TRIO: variants seen among roughly 807,000 people sequenced by gnomAD.
The protein encoded by TRIO is trio Rho guanine nucleotide exchange factor.
Under a neutral mutation model 351.9 loss-of-function variants are expected in TRIO, and 58 were observed. The ratio of observed to expected loss-of-function variants is 0.16; its 90% CI spans 0.13 to 0.21. TRIO has a LOEUF of 0.21. TRIO is among the 10% of genes least tolerant of loss of function. The pLI, the probability that TRIO is intolerant of heterozygous loss-of-function variation, is 1.00. For synonymous variants in TRIO, 1,758 were observed against 1,595.7 expected, an observed-to-expected ratio of 1.10 and a Z score of -2.42; for missense variants, 3,201 against 4,027.8, an observed-to-expected ratio of 0.79 and a Z score of 5.56.
At chr5:14,378,219 T>C in intron 20 of TRIO, 92 bp downstream of exon 20, 1 of 924,434 alleles carries the variant, frequency 1.1e-6, no homozygotes, top group Non-Finnish European at 1.7e-6. Flanking sequence ...TCCGCCATCT[T>C]GAAAACCACT....
intron 34 of TRIO, among the ~76,000 whole-genome samples, chr5:14,428,568 T>A (rs1750837850): frequency 6.6e-6 from 1 of 152,116 alleles, no homozygotes; most frequent in South Asian, 2.1e-4. Context: ...GACCTGTGAT[T>A]AAGGAGTGTT....
intron 7 of TRIO, among the ~76,000 whole-genome samples, chr5:14,302,349 C>T (rs540002515): frequency 4.8e-4 from 73 of 152,268 alleles, no homozygotes; most frequent in African/African-American, 1.7e-3. Flanking sequence ...TGTCCAGGAG[C>T]GCTTAATTGC....
intron 1 of TRIO, among the ~76,000 whole-genome samples, chr5:14,162,805 C>CT (rs953664943): frequency 1.1e-4 from 17 of 151,444 alleles, no homozygotes; most frequent in Admixed American, 3.9e-4. Flanking sequence ...AGGGTATTTT[C>CT]TTTTTTTTTC....
intron 13 of TRIO, among the ~76,000 whole-genome samples, chr5:14,360,326 C>A (rs1208954496): frequency 6.6e-6 from 1 of 152,074 alleles, no homozygotes; most frequent in African/African-American, 2.4e-5. Context: ...TGATACCATG[C>A]GAGCAGAAGT....
intron 34 of TRIO, among the ~76,000 whole-genome samples, chr5:14,427,543 C>G (rs953779851): frequency 1.3e-5 from 2 of 152,208 alleles, no homozygotes; most frequent in African/African-American, 4.8e-5. Flanking sequence ...CCCCTCCAAC[C>G]ACTTTCCAAG....
At chr5:14,406,056 A>C (rs1748688072) in intron 32 of TRIO, 66 bp downstream of exon 32, 9 of 1,554,492 alleles carry the variant, frequency 5.8e-6, no homozygotes, top group Non-Finnish European at 7.0e-6. Flanking sequence ...GTGTTAGCTC[A>C]CCCTGCTTCA....
intron 1 of TRIO, among the ~76,000 whole-genome samples, chr5:14,257,097 G>C (rs933917855): frequency 2.0e-5 from 3 of 152,346 alleles, no homozygotes; most frequent in African/African-American, 7.2e-5. Context: ...CTATTGAAAA[G>C]GGAGCCCAAA....
intron 30 of TRIO, chr5:14,399,421 A>G (rs775698988): frequency 3.6e-5 from 12 of 333,106 alleles, no homozygotes; most frequent in Non-Finnish European, 4.3e-5. Flanking sequence ...TATTATAATT[A>G]ATTTTTCAAC....
chr5:14,398,598 T>G (rs1298754188), intron 29 of TRIO, among the ~76,000 whole-genome samples: 2 of 152,060 alleles, frequency 1.3e-5, no homozygotes, highest in African/African-American at 4.8e-5. Context: ...AGATCTCAAC[T>G]GTTGCAGAGG....
At chr5:14,257,234 C>G (rs973015351) in intron 1 of TRIO, among the ~76,000 whole-genome samples, 6 of 152,194 alleles carry the variant, frequency 3.9e-5, no homozygotes, top group African/African-American at 1.4e-4. Flanking sequence ...GCACCTCCAC[C>G]AGATCCAGGG....
intron 2 of TRIO, among the ~76,000 whole-genome samples, chr5:14,273,796 G>A (rs1389598094): frequency 1.3e-5 from 2 of 152,170 alleles, no homozygotes; most frequent in Non-Finnish European, 2.9e-5. Context: ...TATGCCACTA[G>A]GGTTTGAGCC....
At chr5:14,329,714 T>C (rs1740733323) in intron 9 of TRIO, among the ~76,000 whole-genome samples, 1 of 151,220 alleles carries the variant, frequency 6.6e-6, no homozygotes, top group African/African-American at 2.5e-5. Flanking sequence ...TCTTTTAAAG[T>C]TTTTAGTTTT....
At chr5:14,351,383 A>G (rs186540208) in intron 11 of TRIO, among the ~76,000 whole-genome samples, 1 of 152,344 alleles carries the variant, frequency 6.6e-6, no homozygotes, top group Admixed American at 6.5e-5. Context: ...TCCACCTGCA[A>G]GTTGCCATTG....
At chr5:14,275,079 C>A (rs533221951) in intron 2 of TRIO, among the ~76,000 whole-genome samples, 1 of 151,958 alleles carries the variant, frequency 6.6e-6, no homozygotes. Context: ...GAAATGATAT[C>A]GTGACTTTAT....
At chr5:14,496,636 A>G (rs1579831666) in intron 49 of TRIO, among the ~76,000 whole-genome samples, 1 of 152,254 alleles carries the variant, frequency 6.6e-6, no homozygotes, top group Non-Finnish European at 1.5e-5. Flanking sequence ...CAAGTTACAC[A>G]TAAAATCAGT....
chr5:14,252,222 A>G (rs1794786155), intron 1 of TRIO, among the ~76,000 whole-genome samples: 1 of 152,182 alleles, frequency 6.6e-6, no homozygotes, highest in Non-Finnish European at 1.5e-5. Flanking sequence ...TTTACGTGCC[A>G]TGTCTGTTGA....
chr5:14,283,363 T>C (rs1466410174), intron 3 of TRIO, among the ~76,000 whole-genome samples: 3 of 152,220 alleles, frequency 2.0e-5, no homozygotes, highest in African/African-American at 7.2e-5. Flanking sequence ...TGGTGTCATA[T>C]GTGAAGGGAG....
chr5:14,288,236 A>G (rs1464441737), intron 4 of TRIO, among the ~76,000 whole-genome samples: 2 of 152,250 alleles, frequency 1.3e-5, no homozygotes, highest in Non-Finnish European at 2.9e-5. Flanking sequence ...GTCTGGCAAT[A>G]CAATTCATAC....
intron 53 of TRIO, among the ~76,000 whole-genome samples, chr5:14,499,381 G>T (rs1470768722): frequency 1.3e-5 from 2 of 152,222 alleles, no homozygotes; most frequent in Non-Finnish European, 2.9e-5. Context: ...GCTGAGAAAG[G>T]TGTGGACTGT....
Sources: allele counts gnomAD v4.1 joint callset (sites outside exome capture counted in the v4.1 genomes callset), GRCh38; gene constraint gnomAD v4.1.1; transcripts MANE v1.5; gene names NCBI Gene and HGNC (gene_info 2026-07-23, HGNC 2026-07-21).